The following SLX4IP variants were observed in gnomAD, a reference collection of about 807,000 sequenced individuals.
SLX4IP encodes protein SLX4IP.
SLX4IP carries 34 observed loss-of-function variants against 32.9 expected under a neutral mutation model. The ratio of observed to expected loss-of-function variants is 1.03; its 90% CI spans 0.79 to 1.38. The LOEUF is 1.38. Ranked by LOEUF, SLX4IP falls within the 40% of genes most tolerant of loss-of-function variation. The pLI is 0.00. For synonymous variants in SLX4IP, 172 were observed against 171.7 expected, an observed-to-expected ratio of 1.00 and a Z score of -0.01; for missense variants, 444 against 479.0, an observed-to-expected ratio of 0.93 and a Z score of 0.68.
At chr20:10,616,470 G>A (rs2067032874) in intron 6 of SLX4IP, among the ~76,000 whole-genome samples, 1 of 151,586 alleles carries the variant, frequency 6.6e-6, no homozygotes, top group Non-Finnish European at 1.5e-5. Context: ...AGCTTCCATG[G>A]GTATATCATC....
intron 4 of SLX4IP, among the ~76,000 whole-genome samples, chr20:10,568,051 A>G (rs1246523937): frequency 3.9e-5 from 6 of 152,246 alleles, no homozygotes; most frequent in Non-Finnish European, 8.8e-5. Flanking sequence ...AGTAAGGGGT[A>G]CAAGGTGTAA....
At chr20:10,614,284 A>T in intron 6 of SLX4IP, 1 of 600,474 alleles carries the variant, frequency 1.7e-6, no homozygotes, top group Non-Finnish European at 3.0e-6. Flanking sequence ...GACAGAATTC[A>T]TGAAGTCCTA....
At chr20:10,472,559 A>AT (rs1327335618) in intron 2 of SLX4IP, among the ~76,000 whole-genome samples, 1 of 151,986 alleles carries the variant, frequency 6.6e-6, no homozygotes, top group Non-Finnish European at 1.5e-5. Context: ...TATTTAAGGG[A>AT]TTTTTGTGTG....
intron 2 of SLX4IP, among the ~76,000 whole-genome samples, chr20:10,493,309 T>A (rs2065640890): frequency 6.6e-6 from 1 of 152,138 alleles, no homozygotes; most frequent in Non-Finnish European, 1.5e-5. Flanking sequence ...TTAAATAAGA[T>A]TTTTTATTAG....
chr20:10,512,776 CTCTATATATATATA>C (rs1431464912), intron 2 of SLX4IP, among the ~76,000 whole-genome samples: 11 of 114,742 alleles, frequency 9.6e-5, no homozygotes, highest in African/African-American at 3.1e-4. Context: ...CACACACACA[CTCTATATATATATA>C]TATATATATA....
chr20:10,538,053 T>G (rs1477720672), intron 2 of SLX4IP, among the ~76,000 whole-genome samples: 3 of 152,156 alleles, frequency 2.0e-5, no homozygotes, highest in African/African-American at 7.2e-5. Context: ...AATTAAACCC[T>G]AATCCCATGA....
chr20:10,611,947 A>C (rs994101982), intron 6 of SLX4IP, among the ~76,000 whole-genome samples: 2 of 152,202 alleles, frequency 1.3e-5, no homozygotes, highest in African/African-American at 2.4e-5. Context: ...TGAAGAGAGT[A>C]CTACTGCACA....
intron 4 of SLX4IP, among the ~76,000 whole-genome samples, chr20:10,573,424 C>T (rs1407786695): frequency 6.6e-6 from 1 of 152,156 alleles, no homozygotes; most frequent in Non-Finnish European, 1.5e-5. Flanking sequence ...AACATAGGCC[C>T]TTGACAAGTA....
intron 4 of SLX4IP, among the ~76,000 whole-genome samples, chr20:10,574,494 A>G (rs1009896822): frequency 2.0e-5 from 3 of 152,134 alleles, no homozygotes; most frequent in African/African-American, 4.8e-5. Flanking sequence ...TCAAATTACA[A>G]TGCCAGTTCT....
At chr20:10,539,449 G>A (rs563263386) in intron 2 of SLX4IP, among the ~76,000 whole-genome samples, 4 of 152,130 alleles carry the variant, frequency 2.6e-5, no homozygotes, top group African/African-American at 9.6e-5. Context: ...GAATTGGAGT[G>A]GAGGGTGACA....
chr20:10,593,451 T>G (rs1197416621), intron 4 of SLX4IP, among the ~76,000 whole-genome samples: 1 of 152,100 alleles, frequency 6.6e-6, no homozygotes, highest in African/African-American at 2.4e-5. Flanking sequence ...AAAAAAAAGC[T>G]TAGCTGGGTG....
chr20:10,623,968 C>G lies in SLX4IP; in HGVS notation c.*589C>G, dbSNP rs2067145588. ...CTGAAACATGCTCGCGTTTGAGAAC[C>G]ACTGGACTAATAGAACACTCCCCAG... On this transcript the variant is annotated 3_prime_UTR_variant, in exon 8 of 8. Coordinates refer to ENST00000334534, the MANE Select transcript of SLX4IP (RefSeq NM_001009608.3). 6.5e-6 allele frequency: 1 copy of G among 153,314 alleles called. No homozygotes were observed. 9.5% of individuals were successfully genotyped at this position (153,314 alleles called of 1,614,324 possible). A position where few individuals can be genotyped will look rare whatever the true frequency, so the allele number is the denominator to read the frequency against.
At chr20:10,617,134 T>A (rs1363384023) in intron 6 of SLX4IP, among the ~76,000 whole-genome samples, 1 of 152,210 alleles carries the variant, frequency 6.6e-6, no homozygotes, top group Non-Finnish European at 1.5e-5. Context: ...CCCACATGAT[T>A]TTGATGCATG....
rs996995216 is a variant in SLX4IP at position 10,566,976 on chromosome 20, C to G, written c.238+6156C>G. Among the ~76,000 whole-genome samples the G allele has an allele frequency of 1.4e-4, 21 of 152,164 alleles. 1 individual carries two copies. The stretch of plus-strand genomic sequence containing the variant: ...AAAGAGGTCAAATGTCATCTACCCA[C>G]CATCACTGGCCTATCTCCCTATGAA... On this transcript the variant is annotated intron_variant, in intron 4 of 7. Transcript: ENST00000334534.
chr20:10,584,593 A>G (rs529289508), intron 4 of SLX4IP, among the ~76,000 whole-genome samples: 1 of 152,190 alleles, frequency 6.6e-6, no homozygotes, highest in Non-Finnish European at 1.5e-5. Flanking sequence ...AAAAGAATGT[A>G]GTTCTCTGGC....
intron 2 of SLX4IP, among the ~76,000 whole-genome samples, chr20:10,554,495 G>A (rs1317166948): frequency 6.6e-6 from 1 of 152,186 alleles, no homozygotes; most frequent in African/African-American, 2.4e-5. Context: ...TGTACGTTTA[G>A]CTACAGGAAA....
intron 2 of SLX4IP, among the ~76,000 whole-genome samples, chr20:10,465,180 T>C (rs1267432778): frequency 2.0e-5 from 3 of 152,208 alleles, no homozygotes; most frequent in African/African-American, 4.8e-5. Context: ...CAAGGCTTCA[T>C]AGCAATCTTA....
At chr20:10,566,166 ATTCTT>A (rs763110811) in intron 4 of SLX4IP, among the ~76,000 whole-genome samples, 4 of 151,314 alleles carry the variant, frequency 2.6e-5, no homozygotes, top group Non-Finnish European at 5.9e-5. Flanking sequence ...TCTGATTAGC[ATTCTT>A]TACCTTCATT....
intron 2 of SLX4IP, among the ~76,000 whole-genome samples, chr20:10,476,551 C>T (rs1193558503): frequency 1.3e-5 from 2 of 152,196 alleles, no homozygotes; most frequent in East Asian, 3.8e-4. Flanking sequence ...TCAGATGTTG[C>T]TGTATCAGTT....
Sources: allele counts gnomAD v4.1 joint callset (sites outside exome capture counted in the v4.1 genomes callset), GRCh38; gene constraint gnomAD v4.1.1; transcripts MANE v1.5; gene names NCBI Gene and HGNC (gene_info 2026-07-23, HGNC 2026-07-21).